The following SPART variants were observed in gnomAD, a reference collection of about 807,000 sequenced individuals.
The protein encoded by SPART is spastic paraplegia 20 (Troyer syndrome).
A neutral mutation model predicts 58.7 loss-of-function variants in SPART; 35 were observed. That is an observed-to-expected ratio of 0.60 (90% confidence interval 0.46 to 0.79). The LOEUF is 0.79. Among genes scored for constraint, SPART ranks in the 30% least tolerant of loss-of-function variants. The probability of loss-of-function intolerance (pLI) is 0.00; values close to 1 mark genes in which losing one functional copy is unlikely to be tolerated. For missense variants in SPART, 730 were observed against 786.1 expected, an observed-to-expected ratio of 0.93 and a Z score of 0.85; for synonymous variants, 284 against 280.7, an observed-to-expected ratio of 1.01 and a Z score of -0.12.
chr13:36,360,301 C>T (rs1400394058), intron 1 of SPART, among the ~76,000 whole-genome samples: 1 of 19,232 alleles, frequency 5.2e-5, no homozygotes, highest in Non-Finnish European at 9.4e-5. Context: ...AAAATTCCTG[C>T]ATTGCCATTA....
chr13:36,310,246 A>T (rs1346124188), intron 8 of SPART, among the ~76,000 whole-genome samples: 1 of 152,196 alleles, frequency 6.6e-6, no homozygotes, highest in African/African-American at 2.4e-5. Flanking sequence ...TAACATAAAT[A>T]ACCACGAGTT....
rs142948893 is a variant in SPART, at chr13:36,312,155, C to T, written c.1723G>A (p.Val575Ile). ...NNVSAETVQT[V>I]RYKYGYNAGE... Reference sequence around the variant, plus strand: ...TAAAATTCAACTTACTTGTATCTGACAGTTTGTACAGTTTCTGCTGAAACA... The same window carrying T: ...TAAAATTCAACTTACTTGTATCTGATAGTTTGTACAGTTTCTGCTGAAACA... The change falls in exon 8 of 9, where the codon GTC becomes ATC. Residue 575 changes from valine to isoleucine, a missense_variant. Coordinates refer to ENST00000438666, the MANE Select transcript of SPART (RefSeq NM_015087.5). 1.7e-5 allele frequency: 28 copies of T among 1,613,138 alleles called. No homozygotes were observed. Among genetic ancestry groups the T allele is most frequent in the Non-Finnish European group, 1.9e-5 (22 of 1,179,172 alleles).
chr13:36,318,003 C>T (rs1394889404), intron 5 of SPART, among the ~76,000 whole-genome samples: 2 of 152,106 alleles, frequency 1.3e-5, no homozygotes, highest in Non-Finnish European at 2.9e-5. Context: ...TGCAACTCGT[C>T]CCAAATCTTC....
At chr13:36,368,119 A>C in intron 1 of SPART, 1 of 433,274 alleles carries the variant, frequency 2.3e-6, no homozygotes, top group Non-Finnish European at 4.7e-6. Flanking sequence ...CTTTTCTTTC[A>C]AGGAAAGAGT....
At chr13:36,365,880 A>T (rs1263872010) in intron 1 of SPART, 5 of 211,320 alleles carry the variant, frequency 2.4e-5, no homozygotes. Context: ...ACCCCTTCTC[A>T]TACAGAGCCA....
chr13:36,348,018 G>A (rs1286125099), upstream of SPART, among the ~76,000 whole-genome samples: 1 of 152,108 alleles, frequency 6.6e-6, no homozygotes, highest in African/African-American at 2.4e-5. Context: ...AGGCTTGGTG[G>A]CTTATGCCTG....
intron 5 of SPART, among the ~76,000 whole-genome samples, chr13:36,318,318 A>C (rs991473647): frequency 7.2e-5 from 11 of 152,070 alleles, no homozygotes; most frequent in Admixed American, 5.9e-4. Context: ...GTTAATGCTC[A>C]TTTTTCTTTA....
At chr13:36,339,293 G>A (rs1220620621) in intron 1 of SPART, among the ~76,000 whole-genome samples, 1 of 151,982 alleles carries the variant, frequency 6.6e-6, no homozygotes, top group Non-Finnish European at 1.5e-5. Context: ...CCAGAAAGCA[G>A]AGCAAAAAGA....
chr13:36,362,223 C>T lies in SPART; in HGVS notation c.-3+7866G>A, dbSNP rs1041017940. Among the ~76,000 whole-genome samples the T allele has an allele frequency of 4.2e-4, 64 of 152,162 alleles. No individual in the cohort carries two copies. In the Middle Eastern group the frequency reaches 0.014, roughly 32 times the overall value. On this transcript the variant is annotated intron_variant, in intron 1 of 8. Coordinates refer to the SPART transcript ENST00000355182. ...AAAATTAGCTGGGCATGGTGGCGCA[C>T]GCCTGTAATCCCAGCTATTCAGGAG...
intron 8 of SPART, among the ~76,000 whole-genome samples, chr13:36,309,100 C>T (rs773513817): frequency 6.6e-5 from 10 of 152,032 alleles, no homozygotes; most frequent in East Asian, 1.9e-4. Flanking sequence ...AAAAATTAGC[C>T]GGTCATGGTG....
intron 1 of SPART, among the ~76,000 whole-genome samples, chr13:36,338,537 AATTAGCACCCTCAG>A (rs1347547522): frequency 6.6e-6 from 1 of 152,182 alleles, no homozygotes; most frequent in Non-Finnish European, 1.5e-5. Flanking sequence ...CCTATTTACA[AATTAGCACCCTCAG>A]ATCTTTCCTA....
Position 36,363,222 on chromosome 13 carries a change from A to G in SPART, c.-3+6867T>C, listed in dbSNP as rs181914573. ...AGTAATGATTCTTTTTTCTGAAAAC[A>G]ATAACAACCAAAATGATTTCTAGTT... On this transcript the variant is annotated intron_variant, in intron 1 of 8. Coordinates refer to the SPART transcript ENST00000355182. 2.2e-3 allele frequency among the ~76,000 whole-genome samples: 332 copies of G among 152,350 alleles called. 1 individual carries two copies. Among genetic ancestry groups the G allele is most frequent in the Non-Finnish European group, 3.6e-3 (246 of 68,028 alleles).
At chr13:36,338,230 T>C (rs1489088218) in intron 1 of SPART, among the ~76,000 whole-genome samples, 1 of 152,182 alleles carries the variant, frequency 6.6e-6, no homozygotes, top group Non-Finnish European at 1.5e-5. Flanking sequence ...CAGGGTACTA[T>C]ATGCATTTTA....
chr13:36,306,878 G>T (rs919095961), intron 8 of SPART, among the ~76,000 whole-genome samples: 1 of 152,124 alleles, frequency 6.6e-6, no homozygotes, highest in Admixed American at 6.5e-5. Flanking sequence ...TCAAAAAAAC[G>T]ATGTATATGT....
At chr13:36,339,395 G>A (rs1884343595) in intron 1 of SPART, among the ~76,000 whole-genome samples, 1 of 151,858 alleles carries the variant, frequency 6.6e-6, no homozygotes, top group Non-Finnish European at 1.5e-5. Context: ...AGAAATATGT[G>A]AGGCTGAGGC....
chr13:36,321,001 A>G (rs2137409714), intron 5 of SPART, among the ~76,000 whole-genome samples: 1 of 152,338 alleles, frequency 6.6e-6, no homozygotes, highest in East Asian at 1.9e-4. Context: ...CTCAGCCACC[A>G]ACTTAAAAAG....
At chr13:36,346,777 C>G (rs1885174511), upstream of SPART, 1 of 152,474 alleles carries the variant, frequency 6.6e-6, no homozygotes, top group South Asian at 2.1e-4. Context: ...CTCTTTCTCT[C>G]CAGCGAAACC....
intron 2 of SPART, among the ~76,000 whole-genome samples, chr13:36,333,429 A>ATT (rs34312130): frequency 0.26 from 34,719 of 132,064 alleles, 4,648 homozygotes; most frequent in East Asian, 0.52. Context: ...TTATTATTGT[A>ATT]TTTTTTTTTT....
At chr13:36,345,741 A>G (rs971018141) in intron 1 of SPART, 4 of 152,224 alleles carry the variant, frequency 2.6e-5, no homozygotes, top group Non-Finnish European at 5.9e-5. Flanking sequence ...ATCACGCGCA[A>G]TCCATCCCAA....
Sources: allele counts gnomAD v4.1 joint callset (sites outside exome capture counted in the v4.1 genomes callset), GRCh38; gene constraint gnomAD v4.1.1; transcripts MANE v1.5; gene names NCBI Gene and HGNC (gene_info 2026-07-23, HGNC 2026-07-21).